The following CLMP variants were observed in gnomAD, a reference collection of about 807,000 sequenced individuals.
CLMP encodes the protein CXADR like cell adhesion molecule.
A neutral mutation model predicts 45.2 loss-of-function variants in CLMP; 27 were observed. The ratio of observed to expected loss-of-function variants is 0.60; its 90% CI spans 0.44 to 0.82. The LOEUF (loss-of-function observed/expected upper bound fraction) is 0.82. Among genes scored for constraint, CLMP ranks in the 40% least tolerant of loss-of-function variants. CLMP has a pLI of 0.00. For missense variants in CLMP, 403 were observed against 448.4 expected (o/e 0.90, Z 0.91); for synonymous variants, 167 against 171.4 (o/e 0.97, Z 0.20).
chr11:123,139,842 GAATAA>G (rs200387134), intron 1 of CLMP, among the ~76,000 whole-genome samples: 2 of 147,108 alleles, frequency 1.4e-5, no homozygotes, highest in Non-Finnish European at 3.0e-5. Context: ...AAATAAAATA[GAATAA>G]AATAAAATAA....
chr11:123,090,562 T>A (rs1052056810), intron 2 of CLMP, among the ~76,000 whole-genome samples: 3 of 152,168 alleles, frequency 2.0e-5, no homozygotes, highest in African/African-American at 7.2e-5. Flanking sequence ...AGCCTTAAGA[T>A]CCTGAACTAT....
intron 1 of CLMP, among the ~76,000 whole-genome samples, chr11:123,105,203 C>A (rs956105204): frequency 2.4e-4 from 37 of 152,200 alleles, no homozygotes; most frequent in Admixed American, 2.3e-3. Flanking sequence ...ATTGTGAAAG[C>A]ACATAGGAGT....
chr11:123,107,338 C>T (rs1423372976), intron 1 of CLMP, among the ~76,000 whole-genome samples: 1 of 151,906 alleles, frequency 6.6e-6, no homozygotes, highest in Non-Finnish European at 1.5e-5. Context: ...TCAAGCGATT[C>T]TCCTGCCTCA....
chr11:123,134,137 G>A (rs770139626), intron 1 of CLMP, among the ~76,000 whole-genome samples: 14 of 152,032 alleles, frequency 9.2e-5, no homozygotes, highest in Non-Finnish European at 1.6e-4. Context: ...GCACACACCT[G>A]TAATCCCAGC....
intron 1 of CLMP, among the ~76,000 whole-genome samples, chr11:123,182,298 G>A (rs1236874092): frequency 1.3e-5 from 2 of 152,214 alleles, no homozygotes; most frequent in Non-Finnish European, 2.9e-5. Context: ...CTCACCTGGA[G>A]CACAGATTCC....
rs148983097 is a variant in CLMP, at chr11:123,131,331, A to C, written c.29-33379T>G. Among the ~76,000 whole-genome samples the C allele has an allele frequency of 4.5e-3, 691 of 152,308 alleles. 3 individuals are homozygous for C. The highest frequency in any genetic ancestry group is 0.016 in the African/African-American group (652 of 41,572). ...CCTGGTAGCCACAAAGATTAGAAAA[A>C]AATACAGAAAAAAAAGAAAAAATAT... On this transcript the variant is annotated intron_variant, in intron 1 of 6. Coordinates refer to ENST00000448775, the MANE Select transcript of CLMP (RefSeq NM_024769.5).
At chr11:123,099,688 G>C (rs1866032555) in intron 1 of CLMP, among the ~76,000 whole-genome samples, 1 of 152,140 alleles carries the variant, frequency 6.6e-6, no homozygotes. Context: ...GGATGGGAGA[G>C]GCGGTGGGGG....
chr11:123,074,981 GT>G (rs1865720677), intron 5 of CLMP, 138 bp from the exon 6 acceptor site: 3 of 998,938 alleles, frequency 3.0e-6, no homozygotes, highest in Non-Finnish European at 4.3e-6. Flanking sequence ...TTGAGACGGA[GT>G]TTCACTCTTG....
chr11:123,136,370 G>A (rs1201562128), intron 1 of CLMP: 8 of 546,612 alleles, frequency 1.5e-5, no homozygotes, highest in Non-Finnish European at 2.5e-5. Context: ...TTGGGGAGCC[G>A]GGTTCAGGTT....
rs532422590 is a variant in CLMP at position 123,075,544 on chromosome 11, G to A, written c.680-701C>T. On this transcript the variant is annotated intron_variant, in intron 5 of 6. Coordinates refer to ENST00000448775, the MANE Select transcript of CLMP (RefSeq NM_024769.5). ...TGGGACTACAGACGCCCGCCACCAC[G>A]CCCGGCTAGTTTTTTTGTATTTTTA... is the stretch of plus-strand genomic sequence containing the variant. Among the ~76,000 whole-genome samples, 3 of 151,950 alleles carry A rather than the reference G, an allele frequency of 2.0e-5. No individual in the cohort carries two copies. In the East Asian group the frequency reaches 5.9e-4, roughly 30 times the overall value.
At chr11:123,074,964 T>C in intron 5 of CLMP, 121 bp from the exon 6 acceptor site, 1 of 1,238,840 alleles carries the variant, frequency 8.1e-7, no homozygotes, top group African/African-American at 1.5e-5. Flanking sequence ...GTTTTGTTTT[T>C]TTTTTTTTGA....
At chr11:123,081,184 CAAA>C (rs923950319) in intron 5 of CLMP, among the ~76,000 whole-genome samples, 6 of 146,568 alleles carry the variant, frequency 4.1e-5, no homozygotes, top group Non-Finnish European at 7.5e-5. Flanking sequence ...AAACCAACAA[CAAA>C]AAAAAACAGG....
intron 1 of CLMP, among the ~76,000 whole-genome samples, chr11:123,137,725 A>C (rs898197799): frequency 6.6e-6 from 1 of 152,090 alleles, no homozygotes; most frequent in African/African-American, 2.4e-5. Flanking sequence ...TGCCAGGCCC[A>C]GCTCCTCGCA....
rs1210032227 is a variant in CLMP at position 123,070,536 on chromosome 11, T to C, written c.*2938A>G. ...TTTAAAAATCTAAGGCTCTTTTTCATGCAAAGGAGACTGATTTTTGCTTTC... is the reference window on the plus strand; with the variant it reads ...TTTAAAAATCTAAGGCTCTTTTTCACGCAAAGGAGACTGATTTTTGCTTTC... On this transcript the variant is annotated 3_prime_UTR_variant, in exon 7 of 7. Transcript: ENST00000448775. 1 of 152,214 alleles carries C rather than the reference T, an allele frequency of 6.6e-6. No homozygotes were observed. Among genetic ancestry groups the C allele is most frequent in the Non-Finnish European group, 1.5e-5 (1 of 68,030 alleles). The allele number at this position is 152,214 out of a possible 1,614,324, so 9.4% of individuals were successfully genotyped here.
At chr11:123,170,138 G>A (rs1055471991) in intron 1 of CLMP, among the ~76,000 whole-genome samples, 3 of 152,202 alleles carry the variant, frequency 2.0e-5, no homozygotes, top group Non-Finnish European at 2.9e-5. Context: ...TTAACCCCAA[G>A]AGATGACTTT....
intron 5 of CLMP, among the ~76,000 whole-genome samples, chr11:123,075,784 A>G (rs1193293842): frequency 1.3e-5 from 2 of 152,140 alleles, no homozygotes; most frequent in African/African-American, 2.4e-5. Flanking sequence ...GTCTGCCTTA[A>G]TAGGATAACA....
chr11:123,076,065 C>T lies in CLMP; in HGVS notation c.680-1222G>A, dbSNP rs572150356. On this transcript the variant is annotated intron_variant, in intron 5 of 6. Transcript: ENST00000448775. ...GCACACGCCTATAATCCCAGCTACT[C>T]GGGAGGTTAAGGCAGGAGAATCACT... Among the ~76,000 whole-genome samples, 40 of 152,022 alleles carry T rather than the reference C, an allele frequency of 2.6e-4. No homozygotes were observed. In the East Asian group the frequency reaches 6.6e-3, roughly 25 times the overall value.
chr11:123,160,050 G>A (rs773267072), intron 1 of CLMP, among the ~76,000 whole-genome samples: 24 of 152,166 alleles, frequency 1.6e-4, no homozygotes, highest in East Asian at 5.8e-4. Flanking sequence ...AGGCTGAGGC[G>A]GGAGGATCAC....
intron 1 of CLMP, among the ~76,000 whole-genome samples, chr11:123,168,580 G>A (rs1334811075): frequency 2.0e-5 from 3 of 152,118 alleles, no homozygotes; most frequent in South Asian, 2.1e-4. Context: ...GGACAGGGTC[G>A]GCTAACCCTG....
Sources: allele counts gnomAD v4.1 joint callset (sites outside exome capture counted in the v4.1 genomes callset), GRCh38; gene constraint gnomAD v4.1.1; transcripts MANE v1.5; gene names NCBI Gene and HGNC (gene_info 2026-07-23, HGNC 2026-07-21).